Variants in CTNNA2 observed in about 807,000 individuals in gnomAD.
The protein encoded by CTNNA2 is catenin alpha-2.
A neutral mutation model predicts 101.0 loss-of-function variants in CTNNA2; 42 were observed. The ratio of observed to expected loss-of-function variants is 0.42; its 90% CI spans 0.32 to 0.54. CTNNA2 has a LOEUF of 0.54. Ranked by LOEUF, CTNNA2 falls within the 20% of genes least tolerant of loss-of-function variation. The pLI is 0.14. For synonymous variants in CTNNA2, 450 were observed against 456.4 expected (o/e 0.99, Z 0.18); for missense variants, 871 against 1,223.1 (o/e 0.71, Z 4.29).
intron 6 of CTNNA2, among the ~76,000 whole-genome samples, chr2:79,889,584 T>C (rs1449502803): frequency 6.6e-6 from 1 of 152,224 alleles, no homozygotes. Context: ...CCTCTGTTTC[T>C]TCATCTATAA....
chr2:80,098,126 T>A (rs1700280902), intron 7 of CTNNA2, among the ~76,000 whole-genome samples: 1 of 152,176 alleles, frequency 6.6e-6, no homozygotes. Context: ...TTTTTCCTCA[T>A]CTTTGTGGTT....
chr2:80,547,381 G>A (rs1304744692), intron 11 of CTNNA2, among the ~76,000 whole-genome samples: 1 of 152,150 alleles, frequency 6.6e-6, no homozygotes, highest in African/African-American at 2.4e-5. Context: ...AGAAAACTAA[G>A]TCATTGAGAG....
intron 2 of CTNNA2, among the ~76,000 whole-genome samples, chr2:79,717,403 C>G (rs1039420627): frequency 7.9e-5 from 12 of 152,158 alleles, no homozygotes; most frequent in African/African-American, 2.9e-4. Flanking sequence ...TTGGTACTGT[C>G]TTCTCCAGTC....
rs10547196 is a variant in CTNNA2, at chr2:79,915,306, AACACACACAC to A, written c.1056+5525_1056+5534del. On this transcript the variant is annotated intron_variant, in intron 7 of 18. Transcript: ENST00000402739. Reference sequence around the variant, plus strand: ...AGTGGTATATTTACACACACACACAAACACACACACACACACACACACACATTACACTTTG... The same window carrying A: ...AGTGGTATATTTACACACACACACAAACACACACACACACATTACACTTTG... Among the ~76,000 whole-genome samples the A allele has an allele frequency of 9.4e-5, 14 of 149,430 alleles. No individual in the cohort carries two copies. In the South Asian group the frequency reaches 1.5e-3, roughly 16 times the overall value.
In CTNNA2 at chr2:80,161,456, A is replaced by G. The variant is rs114039730; in HGVS notation, c.1057-231755A>G. ...AATTCTGTAATGAAATGAAAACAGT[A>G]TCTTAATACATTACAAGTTTTTGTT... On this transcript the variant is annotated intron_variant, in intron 7 of 18. Coordinates refer to ENST00000402739, the MANE Select transcript of CTNNA2 (RefSeq NM_001282597.3). Among the ~76,000 whole-genome samples, 1,326 of 152,312 alleles carry G rather than the reference A, an allele frequency of 8.7e-3. 23 individuals carry two copies. The highest frequency in any genetic ancestry group is 0.03 in the African/African-American group (1,233 of 41,570).
intron 7 of CTNNA2, among the ~76,000 whole-genome samples, chr2:79,996,315 C>G (rs1023862671): frequency 3.9e-5 from 6 of 152,134 alleles, no homozygotes; most frequent in Non-Finnish European, 7.4e-5. Flanking sequence ...AGTTTGTCCT[C>G]TATGCAAATT....
intron 1 of CTNNA2, among the ~76,000 whole-genome samples, chr2:79,619,721 C>G (rs574129595): frequency 3.9e-5 from 6 of 152,136 alleles, no homozygotes; most frequent in African/African-American, 1.4e-4. Context: ...TATTAAATGG[C>G]TCAGACAGAT....
chr2:80,445,266 C>T (rs533721777), intron 9 of CTNNA2, among the ~76,000 whole-genome samples: 2 of 152,122 alleles, frequency 1.3e-5, no homozygotes, highest in African/African-American at 4.8e-5. Flanking sequence ...ACTGCAGCCT[C>T]GACCTCCCAG....
intron 2 of CTNNA2, among the ~76,000 whole-genome samples, chr2:79,684,094 G>A (rs1242450815): frequency 6.6e-6 from 1 of 152,116 alleles, no homozygotes; most frequent in Non-Finnish European, 1.5e-5. Context: ...GTGAAAAAAT[G>A]GAGCCAGGAT....
chr2:79,361,245 C>A (rs1369985318), intron 3 of CTNNA2, among the ~76,000 whole-genome samples: 2 of 151,978 alleles, frequency 1.3e-5, no homozygotes, highest in Admixed American at 6.6e-5. Context: ...ATAGCTAATG[C>A]ATTTAGATGT....
At chr2:79,883,625 C>T (rs754869966) in intron 6 of CTNNA2, among the ~76,000 whole-genome samples, 21 of 151,884 alleles carry the variant, frequency 1.4e-4, no homozygotes, top group Non-Finnish European at 2.5e-4. Flanking sequence ...AACATAATGT[C>T]GATTTTGACT....
chr2:80,310,972 C>CAAAAAAAAAA (rs3040535), intron 7 of CTNNA2, among the ~76,000 whole-genome samples: 1 of 96,404 alleles, frequency 1.0e-5, no homozygotes, highest in African/African-American at 3.4e-5. Context: ...GACTCCATCT[C>CAAAAAAAAAA]AAAAAAAAAA....
At chr2:79,221,609 T>C (rs1486787112) in intron 2 of CTNNA2, among the ~76,000 whole-genome samples, 1 of 152,118 alleles carries the variant, frequency 6.6e-6, no homozygotes, top group Non-Finnish European at 1.5e-5. Context: ...GGCAAATTTT[T>C]TTTTTTTAAA....
chr2:79,322,535 G>C (rs1676649738), intron 3 of CTNNA2, among the ~76,000 whole-genome samples: 1 of 152,174 alleles, frequency 6.6e-6, no homozygotes, highest in Non-Finnish European at 1.5e-5. Context: ...TCTTAGCCCA[G>C]ATATTTCTTT....
chr2:80,511,700 C>G (rs1167020483), intron 9 of CTNNA2, among the ~76,000 whole-genome samples: 2 of 152,144 alleles, frequency 1.3e-5, no homozygotes, highest in Non-Finnish European at 2.9e-5. Flanking sequence ...GAATAGAGTA[C>G]TGTAATACTA....
intron 3 of CTNNA2, among the ~76,000 whole-genome samples, chr2:79,332,773 T>C (rs1032828799): frequency 1.3e-5 from 2 of 152,174 alleles, no homozygotes; most frequent in African/African-American, 4.8e-5. Flanking sequence ...CATTTCCAAC[T>C]TGATTATGTA....
At chr2:79,398,209 G>T (rs1328882668) in intron 4 of CTNNA2, among the ~76,000 whole-genome samples, 1 of 152,106 alleles carries the variant, frequency 6.6e-6, no homozygotes, top group African/African-American at 2.4e-5. Flanking sequence ...AAATAAGCAG[G>T]CCTGTAACTA....
At chr2:80,486,067 A>G (rs1442835300) in intron 9 of CTNNA2, among the ~76,000 whole-genome samples, 1 of 152,178 alleles carries the variant, frequency 6.6e-6, no homozygotes, top group East Asian at 1.9e-4. Context: ...CCTAAGTGCA[A>G]TCAAGAAGCA....
intron 9 of CTNNA2, among the ~76,000 whole-genome samples, chr2:80,489,399 G>A (rs34774724): frequency 0.064 from 9,797 of 152,166 alleles, 478 homozygotes; most frequent in Non-Finnish European, 0.1. Flanking sequence ...CTGGTATACT[G>A]AGACTGAGAA....
Sources: allele counts gnomAD v4.1 joint callset (sites outside exome capture counted in the v4.1 genomes callset), GRCh38; gene constraint gnomAD v4.1.1; transcripts MANE v1.5; gene names NCBI Gene and HGNC (gene_info 2026-07-23, HGNC 2026-07-21).